PRKCE: variants seen among roughly 807,000 people sequenced by gnomAD.
PRKCE encodes protein kinase C epsilon type.
In PRKCE, 16 loss-of-function variants were observed where a neutral mutation model predicts 85.4. The observed-to-expected ratio is 0.19, with a 90% CI of 0.13 to 0.28. The LOEUF is 0.28. Among genes scored for constraint, PRKCE ranks in the 10% least tolerant of loss-of-function variants. The pLI is 1.00. For synonymous variants in PRKCE, 388 were observed against 371.5 expected, an observed-to-expected ratio of 1.04 and a Z score of -0.51; for missense variants, 573 against 975.2, an observed-to-expected ratio of 0.59 and a Z score of 5.49.
At chr2:46,014,030 G>C (rs1705911251) in intron 10 of PRKCE, among the ~76,000 whole-genome samples, 3 of 152,224 alleles carry the variant, frequency 2.0e-5, no homozygotes, top group Non-Finnish European at 4.4e-5. Context: ...CAGCTGAAGA[G>C]AGATTTGGGC....
intron 2 of PRKCE, among the ~76,000 whole-genome samples, chr2:45,879,163 G>A (rs62127249): frequency 0.051 from 7,788 of 152,330 alleles, 325 homozygotes; most frequent in South Asian, 0.17. Context: ...GCAGAGAGCA[G>A]AGAAGGGGGA....
At chr2:45,820,265 G>C (rs576218363) in intron 1 of PRKCE, among the ~76,000 whole-genome samples, 2 of 152,246 alleles carry the variant, frequency 1.3e-5, no homozygotes, top group African/African-American at 2.4e-5. Flanking sequence ...CCAGGCACTT[G>C]AGAAACATGT....
intron 14 of PRKCE, among the ~76,000 whole-genome samples, chr2:46,168,555 C>T (rs748602888): frequency 1.3e-5 from 2 of 152,204 alleles, no homozygotes; most frequent in Non-Finnish European, 2.9e-5. Context: ...CTGTGAAGCC[C>T]TGAAGCCCTA....
intron 13 of PRKCE, among the ~76,000 whole-genome samples, chr2:46,156,294 G>A (rs1164935981): frequency 6.6e-6 from 1 of 152,148 alleles, no homozygotes; most frequent in Non-Finnish European, 1.5e-5. Flanking sequence ...TCTCAGCCTA[G>A]GTGTTGCCTC....
At chr2:45,756,631 C>A (rs116588673) in intron 1 of PRKCE, among the ~76,000 whole-genome samples, 1 of 152,018 alleles carries the variant, frequency 6.6e-6, no homozygotes, top group South Asian at 2.1e-4. Context: ...TGTGGTATAT[C>A]TATACAATGG....
At chr2:45,750,524 A>G (rs1209965060) in intron 1 of PRKCE, among the ~76,000 whole-genome samples, 1 of 152,218 alleles carries the variant, frequency 6.6e-6, no homozygotes, top group African/African-American at 2.4e-5. Flanking sequence ...GTTTGGGATC[A>G]GAGAGACTGC....
At chr2:45,847,004 G>T (rs116753020) in intron 2 of PRKCE, among the ~76,000 whole-genome samples, 2 of 152,186 alleles carry the variant, frequency 1.3e-5, no homozygotes, top group Non-Finnish European at 2.9e-5. Context: ...TCTGACGCTG[G>T]GGTGGGACAT....
chr2:45,992,713 C>T (rs1391535110), intron 6 of PRKCE, among the ~76,000 whole-genome samples: 2 of 152,226 alleles, frequency 1.3e-5, no homozygotes, highest in African/African-American at 4.8e-5. Flanking sequence ...AGAAGGTTGT[C>T]TGCTTGCTTT....
At chr2:45,669,003 A>G (rs1184376727) in intron 1 of PRKCE, among the ~76,000 whole-genome samples, 1 of 152,110 alleles carries the variant, frequency 6.6e-6, no homozygotes, top group African/African-American at 2.4e-5. Flanking sequence ...TTTCTTAGCC[A>G]AATAGTCTGC....
At chr2:45,827,163 C>G (rs2105368472) in intron 1 of PRKCE, among the ~76,000 whole-genome samples, 1 of 152,378 alleles carries the variant, frequency 6.6e-6, no homozygotes, top group South Asian at 2.1e-4. Flanking sequence ...GCTTCAACTA[C>G]TGGCAAAGAC....
chr2:46,159,236 A>G lies in PRKCE; in HGVS notation c.1921-370A>G, dbSNP rs1677516604. Among the ~76,000 whole-genome samples the G allele has an allele frequency of 6.6e-6, 1 of 152,210 alleles. No individual in the cohort carries two copies. ...AAGACCTGAGAATCTGAGGGGGATC[A>G]CAGAGTCAGTAAGAGCCAGAGTGCA... On this transcript the variant is annotated intron_variant, in intron 13 of 14. Coordinates refer to ENST00000306156, the MANE Select transcript of PRKCE (RefSeq NM_005400.3). The surrounding 1 kb of genome is among the most constrained non-coding windows in gnomAD (Gnocchi z 4.1).
chr2:46,046,283 C>G (rs1481292400), intron 10 of PRKCE, among the ~76,000 whole-genome samples: 2 of 152,228 alleles, frequency 1.3e-5, no homozygotes, highest in Admixed American at 6.5e-5. Flanking sequence ...CTCCACCAGA[C>G]TCAGCATGCT....
At chr2:45,738,444 C>T (rs1273239001) in intron 1 of PRKCE, among the ~76,000 whole-genome samples, 1 of 152,214 alleles carries the variant, frequency 6.6e-6, no homozygotes, top group African/African-American at 2.4e-5. Flanking sequence ...TGCCCTTCCT[C>T]CTCTCCTCCA....
intron 10 of PRKCE, among the ~76,000 whole-genome samples, chr2:46,057,736 T>C (rs1666729732): frequency 6.6e-6 from 1 of 152,126 alleles, no homozygotes; most frequent in Non-Finnish European, 1.5e-5. Flanking sequence ...CCTTGTATTT[T>C]TGTTTGTTTA....
chr2:45,826,329 T>A (rs1689937799), intron 1 of PRKCE, among the ~76,000 whole-genome samples: 1 of 152,212 alleles, frequency 6.6e-6, no homozygotes, highest in Non-Finnish European at 1.5e-5. Context: ...TACATGACAT[T>A]CCCACTAGAT....
intron 1 of PRKCE, among the ~76,000 whole-genome samples, chr2:45,672,892 G>A (rs1558541933): frequency 6.6e-6 from 1 of 152,074 alleles, no homozygotes; most frequent in Non-Finnish European, 1.5e-5. Context: ...TGGGTGTGGT[G>A]GCATGCATTT....
chr2:45,702,415 A>G (rs1201744761), intron 1 of PRKCE, among the ~76,000 whole-genome samples: 3 of 152,146 alleles, frequency 2.0e-5, no homozygotes, highest in Non-Finnish European at 2.9e-5. Flanking sequence ...ATCAGTTTTC[A>G]TAGTGATGAT....
intron 1 of PRKCE, among the ~76,000 whole-genome samples, chr2:45,733,585 T>C (rs555872323): frequency 1.3e-4 from 20 of 152,236 alleles, no homozygotes; most frequent in Non-Finnish European, 2.2e-4. Context: ...TGTGGGCTGG[T>C]CAGCACTGGC....
intron 1 of PRKCE, among the ~76,000 whole-genome samples, chr2:45,757,862 G>T (rs148102854): frequency 3.5e-4 from 53 of 152,252 alleles, no homozygotes; most frequent in African/African-American, 1.3e-3. Flanking sequence ...AAAACTGAAT[G>T]TACATAAGGC....
Sources: allele counts gnomAD v4.1 joint callset (sites outside exome capture counted in the v4.1 genomes callset), GRCh38; gene constraint gnomAD v4.1.1; non-coding constraint Gnocchi (gnomAD v3.1); transcripts MANE v1.5; gene names NCBI Gene and HGNC (gene_info 2026-07-23, HGNC 2026-07-21).